PELP1: variants seen among roughly 807,000 people sequenced by gnomAD.
The protein encoded by PELP1 is proline-, glutamic acid- and leucine-rich protein 1.
A neutral mutation model predicts 95.5 loss-of-function variants in PELP1; 32 were observed. The observed-to-expected ratio is 0.34, with a 90% CI of 0.25 to 0.45. The LOEUF is 0.45. Among genes scored for constraint, PELP1 ranks in the 20% least tolerant of loss-of-function variants. PELP1 has a pLI of 1.00. For missense variants in PELP1, 1,358 were observed against 1,444.8 expected, an observed-to-expected ratio of 0.94 and a Z score of 0.97; for synonymous variants, 668 against 600.1, an observed-to-expected ratio of 1.11 and a Z score of -1.65.
Position 4,674,790 on chromosome 17 carries a change from G to A in PELP1, c.1422+19C>T, listed in dbSNP as rs772826599. ...AAGGGCACAGGATGAGTCCTAAGGC[G>A]GAGCTGAGGCCTCCTCACCTTAAGG... On this transcript the variant is annotated intron_variant, in intron 12 of 16. Coordinates refer to ENST00000572293, the MANE Select transcript of PELP1 (RefSeq NM_014389.3). The A allele has an allele frequency of 4.8e-5, 77 of 1,603,554 alleles. No individual in the cohort carries two copies. Among genetic ancestry groups the A allele is most frequent in the East Asian group, 6.7e-5 (3 of 44,696 alleles).
rs766878301 is a variant in PELP1, at chr17:4,672,164, C to G, written c.2827G>C (p.Glu943Gln). The G allele has an allele frequency of 6.4e-7, 1 of 1,552,164 alleles. No individual in the cohort carries two copies. Among genetic ancestry groups the G allele is most frequent in the South Asian group, 1.2e-5 (1 of 84,066 alleles). The change falls in exon 16 of 17, where the codon GAG becomes CAG. Residue 943 changes from glutamate (E) to glutamine (Q), a missense_variant. Physicochemically the swap from Glu to Gln is conservative, Grantham distance 29. Around this residue, in one of 7 missense-constraint regions of PELP1, gnomAD observed 283 missense variants for 284.1 expected, o/e 1.00. Coordinates refer to ENST00000572293, the MANE Select transcript of PELP1 (RefSeq NM_014389.3). ...TCATCCTCCTCTTCTTCTTCTTCCT[C>G]TAACTCACCTTCTTCTTCCTCAAAT... is the stretch of plus-strand genomic sequence containing the variant. ...EEFEEEEGEL[E>Q]EEEEEEDEEE... is the part of the protein sequence containing the mutation.
chr17:4,703,571 C>T lies in PELP1; in HGVS notation c.249+292G>A, dbSNP rs184696458. ...CAGATATTGCCAGAGGAAAAAGAGA[C>T]TTTTAGATTATACAACTAGTGAGTG... On this transcript the variant is annotated intron_variant, in intron 1 of 16. Coordinates refer to ENST00000572293, the MANE Select transcript of PELP1 (RefSeq NM_014389.3). 5.3e-3 allele frequency among the ~76,000 whole-genome samples: 804 copies of T among 152,290 alleles called. 5 individuals are homozygous for T. The highest frequency in any genetic ancestry group is 0.012 in the South Asian group (58 of 4,824).
chr17:4,703,183 T>A (rs1489500312), intron 1 of PELP1, among the ~76,000 whole-genome samples: 1 of 152,144 alleles, frequency 6.6e-6, no homozygotes, highest in East Asian at 1.9e-4. Flanking sequence ...GTACCCACTC[T>A]CTTCCCCTCC....
At position 4,684,760 on chromosome 17, in the gene PELP1, T is replaced by C. The variant is rs960501457; in HGVS notation, c.421-1808A>G. On this transcript the variant is annotated intron_variant, in intron 3 of 16. Coordinates refer to ENST00000572293, the MANE Select transcript of PELP1 (RefSeq NM_014389.3). ...CCCAGGCTGGAGTGCAGTGGTGTGA[T>C]CTTGGCTCACTGCAACCTCCGCCTC... Among the ~76,000 whole-genome samples the C allele has an allele frequency of 5.3e-4, 81 of 152,200 alleles. 1 individual carries two copies.
intron 3 of PELP1, among the ~76,000 whole-genome samples, chr17:4,686,896 A>G (rs183539432): frequency 6.6e-5 from 10 of 152,286 alleles, no homozygotes; most frequent in African/African-American, 9.6e-5. Flanking sequence ...CTACTCCAAG[A>G]ATAAAAGCCA....
intron 1 of PELP1, among the ~76,000 whole-genome samples, chr17:4,702,538 AATAC>A (rs1401510749): frequency 6.6e-6 from 1 of 152,236 alleles, no homozygotes; most frequent in Non-Finnish European, 1.5e-5. Flanking sequence ...GACAAGAGAA[AATAC>A]ATAATCAGCT....
chr17:4,694,915 G>A (rs1306971415), intron 1 of PELP1, among the ~76,000 whole-genome samples: 7 of 151,496 alleles, frequency 4.6e-5, no homozygotes, highest in East Asian at 1.9e-4. Context: ...GCTTGAACCC[G>A]GGAGAATCGC....
chr17:4,682,630 C>T (rs867219204), intron 4 of PELP1, 57 bp from the exon 5 acceptor site: 2 of 1,496,694 alleles, frequency 1.3e-6, no homozygotes, highest in African/African-American at 2.7e-5. Flanking sequence ...CACCATATTC[C>T]ATCTCCCCCA....
chr17:4,688,635 A>G (rs1253111163), intron 3 of PELP1, among the ~76,000 whole-genome samples: 1 of 152,186 alleles, frequency 6.6e-6, no homozygotes, highest in African/African-American at 2.4e-5. Context: ...GAATACACCT[A>G]ACCAAGGAGG....
chr17:4,676,685 A>T (rs763651695), intron 6 of PELP1, 68 bp downstream of exon 6: 92 of 1,429,892 alleles, frequency 6.4e-5, no homozygotes, highest in Non-Finnish European at 8.8e-5. Flanking sequence ...GAAAAGCTAG[A>T]GGAGGAGCAG....
At chr17:4,700,960 A>G (rs994284224) in intron 1 of PELP1, among the ~76,000 whole-genome samples, 2 of 149,398 alleles carry the variant, frequency 1.3e-5, no homozygotes, top group Admixed American at 6.7e-5. Flanking sequence ...AAAGAAAAGA[A>G]AAAGAGAAAG....
At chr17:4,678,147 G>C (rs1912561796) in intron 5 of PELP1, among the ~76,000 whole-genome samples, 1 of 151,780 alleles carries the variant, frequency 6.6e-6, no homozygotes, top group South Asian at 2.1e-4. Context: ...CCAGGAGGCG[G>C]AGGTTGCAGT....
In PELP1 at chr17:4,671,453, C is replaced by G. The variant is rs756094467; in HGVS notation, c.3379G>C (p.Glu1127Gln). The G allele has an allele frequency of 1.3e-6, 2 of 1,539,678 alleles. No individual in the cohort carries two copies. Among genetic ancestry groups the G allele is most frequent in the Non-Finnish European group, 1.8e-6 (2 of 1,112,142 alleles). Residue 1127 changes from glutamate (E) to glutamine (Q), a missense_variant, in exon 17 of 17, where the codon GAG (glutamate) becomes CAG (glutamine). Physicochemically the swap from Glu to Gln is conservative, Grantham distance 29. This residue lies in a region of PELP1 where 283 missense variants were observed against 284.1 expected (regional missense o/e 1.00). Coordinates refer to ENST00000572293, the MANE Select transcript of PELP1 (RefSeq NM_014389.3). ...PDDEKPPPPT[E>Q]PDS ...GCAGAAGATGGCTAGGAGTCAGGCT[C>G]TGTGGGAGGTGGTGGCTTCTCATCA...
intron 3 of PELP1, among the ~76,000 whole-genome samples, chr17:4,684,026 A>G (rs1384177002): frequency 1.3e-5 from 2 of 151,838 alleles, no homozygotes; most frequent in African/African-American, 2.4e-5. Context: ...AGACTGTGCC[A>G]TCTCTTCGAG....
intron 1 of PELP1, among the ~76,000 whole-genome samples, chr17:4,701,498 G>C (rs575431990): frequency 1.3e-5 from 2 of 152,218 alleles, no homozygotes; most frequent in Admixed American, 1.3e-4. Context: ...CAGAGGGCAA[G>C]ACTGAAGGTA....
chr17:4,674,176 G>A (rs569297977), intron 13 of PELP1, among the ~76,000 whole-genome samples: 29 of 152,350 alleles, frequency 1.9e-4, no homozygotes, highest in African/African-American at 4.8e-4. Context: ...GCTGAACGCC[G>A]GAGGAAGCGA....
intron 1 of PELP1, among the ~76,000 whole-genome samples, chr17:4,698,369 C>A (rs1036284132): frequency 6.6e-6 from 1 of 151,614 alleles, no homozygotes; most frequent in Non-Finnish European, 1.5e-5. Flanking sequence ...AAGCTGGGCG[C>A]GGTGGCTCAC....
intron 3 of PELP1, 35 bp downstream of exon 3, chr17:4,690,850 GGGA>G: frequency 6.3e-6 from 8 of 1,261,448 alleles, no homozygotes; most frequent in Non-Finnish European, 9.3e-6. Flanking sequence ...AATAAGATGG[GGGA>G]GGAGGAGGAA....
intron 3 of PELP1, among the ~76,000 whole-genome samples, chr17:4,685,064 G>A (rs773392373): frequency 5.3e-5 from 8 of 152,098 alleles, no homozygotes; most frequent in Non-Finnish European, 8.8e-5. Context: ...CTCATCGTTA[G>A]AGCCCAGCAT....
Sources: gnomAD v4.1 joint callset for allele counts (sites outside exome capture counted in the v4.1 genomes callset) on GRCh38, gnomAD v4.1.1 for gene constraint, gnomAD v4.1.1 regional missense constraint, MANE v1.5 for transcripts, NCBI Gene and HGNC (gene_info 2026-07-23, HGNC 2026-07-21) for gene names.